RHOBTB3: variants seen among roughly 807,000 people sequenced by gnomAD.
RHOBTB3 encodes rho-related BTB domain-containing protein 3.
Under a neutral mutation model 67.2 loss-of-function variants are expected in RHOBTB3, and 47 were observed. The ratio of observed to expected loss-of-function variants is 0.70; its 90% CI spans 0.55 to 0.89. The LOEUF (loss-of-function observed/expected upper bound fraction) is 0.89, where lower values mean the gene tolerates loss of function less well. RHOBTB3 is among the 40% of genes least tolerant of loss of function. The pLI, the probability that RHOBTB3 is intolerant of heterozygous loss-of-function variation, is 0.00. For synonymous variants in RHOBTB3, 273 were observed against 274.2 expected, an observed-to-expected ratio of 1.00 and a Z score of 0.04; for missense variants, 631 against 750.0, an observed-to-expected ratio of 0.84 and a Z score of 1.85.
At chr5:95,720,557 T>C (rs1263010483) in intron 1 of RHOBTB3, among the ~76,000 whole-genome samples, 2 of 152,152 alleles carry the variant, frequency 1.3e-5, no homozygotes, top group Non-Finnish European at 2.9e-5. Context: ...AACAGACTGT[T>C]CCATTTCAAG....
At chr5:95,731,176 C>T (rs552656804), upstream of RHOBTB3, 3 of 1,006,668 alleles carry the variant, frequency 3.0e-6, no homozygotes, top group South Asian at 1.2e-4. Context: ...GTCCAGCCGC[C>T]GCCACCGGAG....
intron 3 of RHOBTB3, among the ~76,000 whole-genome samples, chr5:95,746,194 C>G (rs1744911251): frequency 6.6e-6 from 1 of 152,094 alleles, no homozygotes. Flanking sequence ...GAAAAACCAC[C>G]CTGCTAGCAT....
intron 7 of RHOBTB3, among the ~76,000 whole-genome samples, chr5:95,764,146 C>T (rs1171731821): frequency 1.3e-5 from 2 of 152,184 alleles, no homozygotes; most frequent in Non-Finnish European, 2.9e-5. Context: ...AATTAAAATA[C>T]ATGTGAGTCA....
chr5:95,786,025 A>G lies in RHOBTB3; in HGVS notation c.1623+2062A>G, dbSNP rs375302681. ...ATCTTTTCCCCTTGAATTTCAAACA[A>G]TCTAAGATACAAGCTCATTTTGAAT... On this transcript the variant is annotated intron_variant, in intron 10 of 11. Coordinates refer to ENST00000379982, the MANE Select transcript of RHOBTB3 (RefSeq NM_014899.4). Among the ~76,000 whole-genome samples the G allele has an allele frequency of 1.4e-4, 21 of 152,260 alleles. No homozygotes were observed. The East Asian group carries it at 3.3e-3, about 24-fold the overall frequency.
At chr5:95,720,089 A>G (rs1754823036) in intron 1 of RHOBTB3, among the ~76,000 whole-genome samples, 1 of 152,194 alleles carries the variant, frequency 6.6e-6, no homozygotes, top group South Asian at 2.1e-4. Context: ...GCAAATTAGT[A>G]TTCTAGTTTA....
intron 2 of RHOBTB3, among the ~76,000 whole-genome samples, chr5:95,736,487 A>G (rs1251771953): frequency 6.6e-6 from 1 of 152,252 alleles, no homozygotes; most frequent in Admixed American, 6.5e-5. Context: ...GCAGTGTCTA[A>G]CTGGGTCAGA....
intron 6 of RHOBTB3, among the ~76,000 whole-genome samples, chr5:95,757,163 C>T (rs1383004426): frequency 6.6e-6 from 1 of 151,350 alleles, no homozygotes; most frequent in Non-Finnish European, 1.5e-5. Flanking sequence ...AAGTATTTTT[C>T]TCTTTGCCCT....
chr5:95,720,614 GC>G (rs1300698183), intron 1 of RHOBTB3, among the ~76,000 whole-genome samples: 1 of 151,950 alleles, frequency 6.6e-6, no homozygotes, highest in Non-Finnish European at 1.5e-5. Flanking sequence ...ACAAAATGAA[GC>G]AAAGTAAACT....
At chr5:95,771,281 TA>T (rs771976880) in intron 8 of RHOBTB3, among the ~76,000 whole-genome samples, 4 of 152,258 alleles carry the variant, frequency 2.6e-5, no homozygotes, top group Non-Finnish European at 5.9e-5. Flanking sequence ...GGGCAATTAC[TA>T]AAAGGAAGAT....
At chr5:95,726,296 T>C (rs1485211634), upstream of RHOBTB3, among the ~76,000 whole-genome samples, 2 of 152,234 alleles carry the variant, frequency 1.3e-5, no homozygotes, top group Non-Finnish European at 1.5e-5. Context: ...TAAGAGTGTG[T>C]TGCTTTTTGA....
At chr5:95,752,121 A>G (rs1745108039) in intron 4 of RHOBTB3, 118 bp from the exon 5 acceptor site, 1 of 622,532 alleles carries the variant, frequency 1.6e-6, no homozygotes. Flanking sequence ...TTGCTAATGC[A>G]TACGTATAAA....
Position 95,731,792 on chromosome 5 carries a change from T to C in RHOBTB3, c.3-67T>C, listed in dbSNP as rs976817384. 29 of 1,603,548 alleles carry C rather than the reference T, an allele frequency of 1.8e-5. No individual in the cohort carries two copies. In the Admixed American group the frequency reaches 2.2e-4, roughly 12 times the overall value. On this transcript the variant is annotated intron_variant, in intron 1 of 11. Transcript: ENST00000379982. Reference sequence around the variant, plus strand: ...GCCGCGCGCTGTCCCCCGCACTTCCTGTTCCGAGGAGAGACCCGCGCGCTG... The same window carrying C: ...GCCGCGCGCTGTCCCCCGCACTTCCCGTTCCGAGGAGAGACCCGCGCGCTG...
At chr5:95,783,105 TTTTTA>T (rs1165465013) in intron 9 of RHOBTB3, among the ~76,000 whole-genome samples, 10 of 150,818 alleles carry the variant, frequency 6.6e-5, no homozygotes, top group East Asian at 1.9e-4. Context: ...TATTTATTTA[TTTTTA>T]TTTTATTTTA....
At chr5:95,739,327 A>G (rs1390281310) in intron 3 of RHOBTB3, among the ~76,000 whole-genome samples, 2 of 151,816 alleles carry the variant, frequency 1.3e-5, no homozygotes, top group South Asian at 4.1e-4. Flanking sequence ...TTCGCATTCT[A>G]GTCATTTAGT....
chr5:95,745,785 C>A (rs537119309), intron 3 of RHOBTB3, among the ~76,000 whole-genome samples: 5 of 152,194 alleles, frequency 3.3e-5, no homozygotes, highest in Non-Finnish European at 7.3e-5. Flanking sequence ...TAGTTTGAAT[C>A]CTCTGCTTGT....
intron 6 of RHOBTB3, 31 bp downstream of exon 6, chr5:95,755,792 A>T (rs751116031): frequency 1.2e-6 from 2 of 1,608,250 alleles, no homozygotes; most frequent in Non-Finnish European, 8.5e-7. Context: ...GGTTACTTAC[A>T]ATCTCATAAG....
Position 95,731,691 on chromosome 5 carries a change from A to C in RHOBTB3, c.2+7A>C. 2 of 1,613,160 alleles carry C rather than the reference A, an allele frequency of 1.2e-6. No individual in the cohort carries two copies. Among genetic ancestry groups the C allele is most frequent in the East Asian group, 2.2e-5 (1 of 44,730 alleles). On this transcript the variant is annotated splice_region_variant and intron_variant, in intron 1 of 11. Coordinates refer to ENST00000379982, the MANE Select transcript of RHOBTB3 (RefSeq NM_014899.4). The stretch of plus-strand genomic sequence containing the variant: ...CCCTTGGATTTGAGATCATGTACGT[A>C]CGCGCCGCCGTCCTGCCATTGTCTC...
intron 11 of RHOBTB3, among the ~76,000 whole-genome samples, chr5:95,790,733 G>A (rs565747008): frequency 5.3e-4 from 80 of 152,222 alleles, no homozygotes; most frequent in Non-Finnish European, 9.4e-4. Flanking sequence ...TCATCCTCTT[G>A]GGCAGAGGAA....
chr5:95,756,384 C>T (rs1180335701), intron 6 of RHOBTB3, among the ~76,000 whole-genome samples: 1 of 152,240 alleles, frequency 6.6e-6, no homozygotes, highest in East Asian at 1.9e-4. Context: ...ATATAGACCA[C>T]ATTTTGTTTA....
Sources: allele counts gnomAD v4.1 joint callset (sites outside exome capture counted in the v4.1 genomes callset), GRCh38; gene constraint gnomAD v4.1.1; transcripts MANE v1.5; gene names NCBI Gene and HGNC (gene_info 2026-07-23, HGNC 2026-07-21).